EPB41: variants seen among roughly 807,000 people sequenced by gnomAD.
EPB41 encodes the protein protein 4.1.
EPB41 carries 65 observed loss-of-function variants against 108.0 expected under a neutral mutation model. The observed-to-expected ratio is 0.60, with a 90% confidence interval of 0.49 to 0.74. The LOEUF is 0.74. Among genes scored for constraint, EPB41 ranks in the 30% least tolerant of loss-of-function variants. The pLI is 0.00. For missense variants in EPB41, 875 were observed against 1,037.0 expected (o/e 0.84, Z 2.15); for synonymous variants, 336 against 358.9 (o/e 0.94, Z 0.72).
upstream of EPB41, chr1:28,911,043 C>A (rs537341230): frequency 1.0e-6 from 1 of 985,332 alleles, no homozygotes; most frequent in African/African-American, 1.7e-5. Context: ...GCAGTCTCTG[C>A]AGGGTGAGCT....
intron 16 of EPB41, among the ~76,000 whole-genome samples, chr1:29,082,247 C>T (rs192755734): frequency 8.5e-5 from 13 of 152,222 alleles, no homozygotes; most frequent in Admixed American, 8.5e-4. Flanking sequence ...GCCTCAGCCT[C>T]CTGAGTAGCT....
At chr1:28,982,859 CTGTTA>C (rs1003477893) in intron 1 of EPB41, among the ~76,000 whole-genome samples, 16 of 152,002 alleles carry the variant, frequency 1.1e-4, no homozygotes, top group African/African-American at 3.9e-4. Context: ...ATGAAGTGTT[CTGTTA>C]TGTTTTTATG....
rs1474539034 is a variant in EPB41, at chr1:29,119,130, T to C, written c.*2318T>C. On this transcript the variant is annotated 3_prime_UTR_variant, in exon 21 of 21. Coordinates refer to ENST00000343067, the MANE Select transcript of EPB41 (RefSeq NM_001376013.1). ...TTCTCTCGGCTTCGTTGTCTGTAAA[T>C]TGGATGAAAAGAGCTCTAATGCCTT... is the stretch of plus-strand genomic sequence containing the variant. 6.6e-6 allele frequency: 1 copy of C among 152,500 alleles called. No homozygotes were observed. The highest frequency in any genetic ancestry group is 1.5e-5 in the Non-Finnish European group (1 of 68,050). The allele number at this position is 152,500 out of a possible 1,614,324, so 9.4% of individuals were successfully genotyped here.
intron 11 of EPB41, among the ~76,000 whole-genome samples, chr1:29,048,322 C>A (rs992440075): frequency 6.6e-6 from 1 of 152,046 alleles, no homozygotes; most frequent in African/African-American, 2.4e-5. Flanking sequence ...TCAAACAATT[C>A]TCCTGCCTCA....
intron 1 of EPB41, among the ~76,000 whole-genome samples, chr1:28,976,021 G>T (rs1162369489): frequency 6.6e-6 from 1 of 151,706 alleles, no homozygotes; most frequent in African/African-American, 2.4e-5. Flanking sequence ...AAATAGAGGT[G>T]GTCTTAGCCA....
At chr1:28,944,437 TTCATTTTGCATGCCATA>T (rs1274019621) in intron 1 of EPB41, among the ~76,000 whole-genome samples, 1 of 152,174 alleles carries the variant, frequency 6.6e-6, no homozygotes, top group Non-Finnish European at 1.5e-5. Context: ...ATGTGCTTCT[TTCATTTTGCATGCCATA>T]TCAAATCATC....
At chr1:28,953,763 G>A (rs965375666) in intron 1 of EPB41, among the ~76,000 whole-genome samples, 11 of 152,148 alleles carry the variant, frequency 7.2e-5, no homozygotes, top group African/African-American at 2.7e-4. Context: ...TTCATCTTAC[G>A]TAGTTAATAA....
At chr1:29,085,472 G>C (rs1338520983) in intron 16 of EPB41, among the ~76,000 whole-genome samples, 1 of 152,030 alleles carries the variant, frequency 6.6e-6, no homozygotes, top group Non-Finnish European at 1.5e-5. Context: ...TCACTTTCCT[G>C]ATAATATCGC....
chr1:29,057,160 A>G (rs1645620582), intron 12 of EPB41, among the ~76,000 whole-genome samples: 1 of 151,964 alleles, frequency 6.6e-6, no homozygotes, highest in Admixed American at 6.5e-5. Context: ...GCGGATCACA[A>G]GGTCAGGAGA....
At chr1:29,093,994 A>C (rs1662281920) in intron 16 of EPB41, among the ~76,000 whole-genome samples, 1 of 152,196 alleles carries the variant, frequency 6.6e-6, no homozygotes, top group South Asian at 2.1e-4. Flanking sequence ...TGGGTTTTAC[A>C]TTTAAGTCTT....
At position 29,112,436 on chromosome 1, in the gene EPB41, T is replaced by A; in HGVS notation, c.2484T>A (p.Ile828=). Residue 828 remains isoleucine (I), a synonymous_variant, in exon 19 of 21, where the codon ATT becomes ATA. Transcript: ENST00000343067. ...TTGTGATCACAGGAGATGCTGATAT[T>A]GACCATGATCAGGTGGGAATGTTGA... ...KRIVITGDAD[I]DHDQVLVQAI... The A allele has an allele frequency of 1.2e-6, 2 of 1,613,956 alleles. No homozygotes were observed. The highest frequency in any genetic ancestry group is 8.5e-7 in the Non-Finnish European group (1 of 1,179,880).
intron 1 of EPB41, among the ~76,000 whole-genome samples, chr1:28,971,845 G>T (rs2095503272): frequency 6.6e-6 from 1 of 152,032 alleles, no homozygotes; most frequent in Non-Finnish European, 1.5e-5. Flanking sequence ...AAACAAGGAA[G>T]CATATAATCC....
At chr1:28,993,262 T>G in intron 2 of EPB41, 68 bp from the exon 3 acceptor site, 1 of 1,244,572 alleles carries the variant, frequency 8.0e-7, no homozygotes, top group Non-Finnish European at 1.2e-6. Context: ...TTATTATAGG[T>G]AAAAGCATAT....
chr1:29,006,053 A>G (rs553463451), intron 4 of EPB41, among the ~76,000 whole-genome samples: 1 of 152,300 alleles, frequency 6.6e-6, no homozygotes, highest in Admixed American at 6.5e-5. Flanking sequence ...ATTATTCAGA[A>G]TTACTATTTT....
intron 15 of EPB41, among the ~76,000 whole-genome samples, chr1:29,061,578 T>G (rs917215261): frequency 5.2e-5 from 7 of 133,844 alleles, no homozygotes; most frequent in Non-Finnish European, 1.1e-4. Context: ...CTTTGTTTTT[T>G]TTTTTTTTTT....
Position 28,918,584 on chromosome 1 carries a change from G to A in EPB41, c.-8+3816G>A, listed in dbSNP as rs541403284. Among the ~76,000 whole-genome samples, 4 of 152,088 alleles carry A rather than the reference G, an allele frequency of 2.6e-5. No homozygotes were observed. The South Asian group carries it at 8.3e-4, about 32-fold the overall frequency. On this transcript the variant is annotated intron_variant, in intron 1 of 20. Coordinates refer to ENST00000343067, the MANE Select transcript of EPB41 (RefSeq NM_001376013.1). The stretch of plus-strand genomic sequence containing the variant: ...ATGGCCTCTGAATTAATCAGTTATG[G>A]GCCTTATGTATGTGAAGGATCCAAA...
rs532399526 is a variant in EPB41 at position 29,079,827 on chromosome 1, C to T, written c.2184+14669C>T. ...CTGTTCAACATGGGAAAAACTCCAT[C>T]TCTACTAAAAATACAAAAAATTAGC... On this transcript the variant is annotated intron_variant, in intron 16 of 20. Transcript: ENST00000343067. 4.6e-5 allele frequency among the ~76,000 whole-genome samples: 7 copies of T among 152,060 alleles called. No individual in the cohort carries two copies. The East Asian group carries it at 1.4e-3, about 30-fold the overall frequency.
At chr1:28,984,717 G>A (rs1464044471) in intron 1 of EPB41, among the ~76,000 whole-genome samples, 2 of 151,556 alleles carry the variant, frequency 1.3e-5, no homozygotes, top group African/African-American at 4.9e-5. Context: ...GCATGCAGTG[G>A]CATGATCATG....
chr1:28,910,087 CAA>C (rs5773222), upstream of EPB41, among the ~76,000 whole-genome samples: 18 of 121,020 alleles, frequency 1.5e-4, no homozygotes, highest in East Asian at 2.4e-4. Context: ...ACCACTGTCT[CAA>C]AAAAAAAAAA....
Sources: allele counts gnomAD v4.1 joint callset (sites outside exome capture counted in the v4.1 genomes callset), GRCh38; gene constraint gnomAD v4.1.1; transcripts MANE v1.5; gene names NCBI Gene and HGNC (gene_info 2026-07-23, HGNC 2026-07-21).